PTPRR: variants seen among roughly 807,000 people sequenced by gnomAD.
PTPRR encodes protein tyrosine phosphatase receptor type R, also known as receptor-type tyrosine-protein phosphatase R.
PTPRR carries 38 observed loss-of-function variants against 77.2 expected under a neutral mutation model. The ratio of observed to expected loss-of-function variants is 0.49; its 90% CI spans 0.38 to 0.65. The LOEUF is 0.65. Ranked by LOEUF, PTPRR falls within the 30% of genes least tolerant of loss-of-function variation. The probability of loss-of-function intolerance (pLI) is 0.00; values close to 1 mark genes in which losing one functional copy is unlikely to be tolerated. For missense variants in PTPRR, 744 were observed against 799.2 expected (o/e 0.93, Z 0.83); for synonymous variants, 299 against 283.1 (o/e 1.06, Z -0.57).
At chr12:70,676,594 G>T (rs1887455741) in intron 10 of PTPRR, among the ~76,000 whole-genome samples, 1 of 151,894 alleles carries the variant, frequency 6.6e-6, no homozygotes, top group South Asian at 2.1e-4. Context: ...ACACAGAATT[G>T]TACATATTCA....
chr12:70,815,591 T>A (rs1891889004), intron 2 of PTPRR, among the ~76,000 whole-genome samples: 1 of 152,174 alleles, frequency 6.6e-6, no homozygotes. Context: ...AAAGTAAGGA[T>A]GTATGAGACT....
intron 6 of PTPRR, among the ~76,000 whole-genome samples, chr12:70,739,779 G>A (rs1006219132): frequency 3.3e-5 from 5 of 152,142 alleles, no homozygotes; most frequent in African/African-American, 1.2e-4. Flanking sequence ...AGTGGTAGGG[G>A]GTAAGTTTTG....
intron 2 of PTPRR, among the ~76,000 whole-genome samples, chr12:70,814,534 CCCAGCTTATAGTGGAGAT>C (rs1046082004): frequency 6.6e-6 from 1 of 152,158 alleles, no homozygotes; most frequent in African/African-American, 2.4e-5. Context: ...CAGGGAGGTC[CCCAGCTTATAGTGGAGAT>C]CCAGCTTATA....
intron 13 of PTPRR, among the ~76,000 whole-genome samples, chr12:70,648,784 C>T (rs556361152): frequency 6.6e-6 from 1 of 151,948 alleles, no homozygotes; most frequent in Non-Finnish European, 1.5e-5. Context: ...TAATTAAAAG[C>T]GAATGCAGTG....
chr12:70,640,114 A>G (rs987034411), intron 13 of PTPRR, among the ~76,000 whole-genome samples: 1 of 152,194 alleles, frequency 6.6e-6, no homozygotes, highest in Non-Finnish European at 1.5e-5. Flanking sequence ...GGTGCTTCTC[A>G]TTATGTTTTT....
intron 10 of PTPRR, among the ~76,000 whole-genome samples, chr12:70,667,041 C>T (rs541355640): frequency 1.5e-3 from 218 of 148,274 alleles, no homozygotes; most frequent in Non-Finnish European, 2.3e-3. Context: ...CTGCAAGCTC[C>T]GCCTCCCAGG....
intron 2 of PTPRR, among the ~76,000 whole-genome samples, chr12:70,795,618 T>C (rs1005468448): frequency 2.6e-5 from 4 of 152,190 alleles, no homozygotes; most frequent in African/African-American, 9.6e-5. Context: ...TTTCTATTTG[T>C]ATCACAAACT....
chr12:70,710,070 C>T (rs967052095), intron 6 of PTPRR, among the ~76,000 whole-genome samples: 1 of 151,970 alleles, frequency 6.6e-6, no homozygotes, highest in South Asian at 2.1e-4. Context: ...TCATATGGAA[C>T]CAAAAAGGAG....
intron 6 of PTPRR, among the ~76,000 whole-genome samples, chr12:70,724,823 A>G (rs1889379098): frequency 6.6e-6 from 1 of 152,168 alleles, no homozygotes; most frequent in South Asian, 2.1e-4. Flanking sequence ...ACACACACAC[A>G]CACATATATA....
chr12:70,767,523 G>A (rs1890857225), intron 2 of PTPRR, among the ~76,000 whole-genome samples: 1 of 151,980 alleles, frequency 6.6e-6, no homozygotes. Flanking sequence ...AGCCAGTCCT[G>A]AGTGACCTAC....
At chr12:70,752,363 T>C (rs1403654125) in intron 5 of PTPRR, among the ~76,000 whole-genome samples, 1 of 152,174 alleles carries the variant, frequency 6.6e-6, no homozygotes, top group Admixed American at 6.6e-5. Flanking sequence ...TCCCTAAGTT[T>C]CTGACCTTTA....
At chr12:70,808,396 C>T (rs185034761) in intron 2 of PTPRR, among the ~76,000 whole-genome samples, 2 of 152,238 alleles carry the variant, frequency 1.3e-5, no homozygotes, top group East Asian at 3.9e-4. Context: ...GACCCACACC[C>T]TATTTGTACA....
At chr12:70,766,033 C>T (rs1342679521) in intron 2 of PTPRR, among the ~76,000 whole-genome samples, 1 of 152,066 alleles carries the variant, frequency 6.6e-6, no homozygotes, top group Non-Finnish European at 1.5e-5. Context: ...TCATCAAAGA[C>T]CAAAAGTAGA....
At chr12:70,815,842 C>T (rs1891893392) in intron 2 of PTPRR, among the ~76,000 whole-genome samples, 1 of 152,164 alleles carries the variant, frequency 6.6e-6, no homozygotes, top group South Asian at 2.1e-4. Context: ...AGAGCACCAA[C>T]ACTGGCCTCA....
chr12:70,667,415 A>T (rs765952020), intron 10 of PTPRR, among the ~76,000 whole-genome samples: 2 of 152,210 alleles, frequency 1.3e-5, no homozygotes, highest in Non-Finnish European at 2.9e-5. Context: ...GTTTGGGCGC[A>T]GTCAGCATCT....
At chr12:70,865,437 G>GA (rs1417630517) in intron 2 of PTPRR, among the ~76,000 whole-genome samples, 12 of 152,144 alleles carry the variant, frequency 7.9e-5, no homozygotes, top group Non-Finnish European at 1.6e-4. Flanking sequence ...AATGACAGAG[G>GA]ACAGGTGGAA....
chr12:70,788,965 A>T, intron 2 of PTPRR: 4 of 1,232,040 alleles, frequency 3.2e-6, no homozygotes, highest in Non-Finnish European at 4.3e-6. Flanking sequence ...ACCTGGAGGT[A>T]ACCGCCTGGT....
chr12:70,891,817 A>G (rs1893341926), intron 2 of PTPRR, among the ~76,000 whole-genome samples: 1 of 152,142 alleles, frequency 6.6e-6, no homozygotes, highest in Non-Finnish European at 1.5e-5. Flanking sequence ...CATTTGGTGC[A>G]TAGAGGAGTT....
Position 70,698,309 on chromosome 12 carries a change from A to G in PTPRR, c.1235T>C (p.Ile412Thr). 6.2e-7 allele frequency: 1 copy of G among 1,613,134 alleles called. No individual in the cohort carries two copies. Among genetic ancestry groups the G allele is most frequent in the South Asian group, 1.1e-5 (1 of 91,042 alleles). Residue 412 changes from isoleucine to threonine, a missense_variant, in exon 8 of 14, where the codon ATT becomes ACT. Around this residue, in one of 3 missense-constraint regions of PTPRR, gnomAD observed 570 missense variants for 573.2 expected, o/e 0.99. Transcript: ENST00000283228. ...GCGATTTTTAGTTCCATGACGCGGA[A>G]TATCAATTTCTTTGGGATCCACAAA... ...MNFVDPKEID[I>T]PRHGTKNRYK...
Sources: allele counts gnomAD v4.1 joint callset (sites outside exome capture counted in the v4.1 genomes callset), GRCh38; gene constraint gnomAD v4.1.1; regional missense constraint gnomAD v4.1.1; transcripts MANE v1.5; gene names NCBI Gene and HGNC (gene_info 2026-07-23, HGNC 2026-07-21).